ZNF892: variants seen among roughly 807,000 people sequenced by gnomAD.
ZNF892 encodes the protein zinc finger protein 892.
chr2:95,210,875 A>G, the ZNF892 span, among the ~76,000 whole-genome samples: 1 of 152,108 alleles, frequency 6.6e-6, no homozygotes, highest in African/African-American at 2.4e-5. Context: ...GTAACACCTG[A>G]GCTGAGATCT....
At chr2:95,216,738 TG>T in the ZNF892 span, among the ~76,000 whole-genome samples, 1 of 152,204 alleles carries the variant, frequency 6.6e-6, no homozygotes, top group African/African-American at 2.4e-5. Context: ...TAGTTTACCC[TG>T]TTTGGGGTTT....
the ZNF892 span, among the ~76,000 whole-genome samples, chr2:95,236,647 C>G: frequency 6.6e-6 from 1 of 152,174 alleles, no homozygotes; most frequent in African/African-American, 2.4e-5. Flanking sequence ...TTCCATGAAT[C>G]TCTTTGAAGA....
the ZNF892 span, among the ~76,000 whole-genome samples, chr2:95,208,040 G>GTTT: frequency 1.3e-5 from 2 of 152,166 alleles, no homozygotes; most frequent in African/African-American, 4.8e-5. Flanking sequence ...CTTGCTCAAG[G>GTTT]GAAAATATCA....
chr2:95,208,384 T>G, the ZNF892 span, among the ~76,000 whole-genome samples: 2 of 152,374 alleles, frequency 1.3e-5, no homozygotes, highest in African/African-American at 2.4e-5. Flanking sequence ...AGTATTATTT[T>G]GACTACTTAG....
the ZNF892 span, among the ~76,000 whole-genome samples, chr2:95,260,906 C>T: frequency 6.6e-6 from 1 of 152,206 alleles, no homozygotes; most frequent in African/African-American, 2.4e-5. Flanking sequence ...CTGGAGTCCT[C>T]AGTGGCTCAT....
chr2:95,227,884 A>G, the ZNF892 span, among the ~76,000 whole-genome samples: 1 of 152,090 alleles, frequency 6.6e-6, no homozygotes, highest in Non-Finnish European at 1.5e-5. Context: ...GGATTATAGC[A>G]TGTGTCTTCT....
At chr2:95,245,813 C>G in the ZNF892 span, among the ~76,000 whole-genome samples, 1 of 151,986 alleles carries the variant, frequency 6.6e-6, no homozygotes, top group African/African-American at 2.4e-5. Flanking sequence ...AAGACTGAAT[C>G]AGGAAGAAAT....
At chr2:95,212,677 T>C in the ZNF892 span, among the ~76,000 whole-genome samples, 1 of 152,242 alleles carries the variant, frequency 6.6e-6, no homozygotes, top group Non-Finnish European at 1.5e-5. Context: ...CCACCTTCTC[T>C]GTCTAAGCAG....
the ZNF892 span, among the ~76,000 whole-genome samples, chr2:95,226,710 T>G: frequency 6.6e-6 from 1 of 152,168 alleles, no homozygotes; most frequent in Non-Finnish European, 1.5e-5. Context: ...GGTTATTGAC[T>G]CACTAAGGGA....
the ZNF892 span, among the ~76,000 whole-genome samples, chr2:95,261,144 G>T: frequency 6.6e-6 from 1 of 152,170 alleles, no homozygotes; most frequent in African/African-American, 2.4e-5. Flanking sequence ...CAACCCAGAA[G>T]AGGGAGGCCC....
chr2:95,218,253 T>G, the ZNF892 span, among the ~76,000 whole-genome samples: 1 of 152,262 alleles, frequency 6.6e-6, no homozygotes, highest in East Asian at 1.9e-4. Context: ...TTGTGCTTCC[T>G]TGTTTCTTAA....
At chr2:95,217,709 C>T in the ZNF892 span, among the ~76,000 whole-genome samples, 2 of 152,172 alleles carry the variant, frequency 1.3e-5, no homozygotes, top group African/African-American at 4.8e-5. Flanking sequence ...TTCGTTTCGT[C>T]AGATCTTGTG....
chr2:95,234,588 G>A, the ZNF892 span, among the ~76,000 whole-genome samples: 1 of 152,296 alleles, frequency 6.6e-6, no homozygotes, highest in East Asian at 1.9e-4. Context: ...CCTATCCAAT[G>A]AGGGTTCCAT....
At chr2:95,210,323 T>C in the ZNF892 span, among the ~76,000 whole-genome samples, 8 of 151,780 alleles carry the variant, frequency 5.3e-5, no homozygotes, top group Non-Finnish European at 1.0e-4. Context: ...GCGGTAAAAC[T>C]GATTCATTTG....
the ZNF892 span, among the ~76,000 whole-genome samples, chr2:95,258,205 G>A: frequency 1.3e-5 from 2 of 152,156 alleles, no homozygotes; most frequent in African/African-American, 4.8e-5. Flanking sequence ...TGGCCATCTT[G>A]GCTCCACTCG....
the ZNF892 span, among the ~76,000 whole-genome samples, chr2:95,241,602 C>G: frequency 6.6e-6 from 1 of 152,186 alleles, no homozygotes; most frequent in East Asian, 1.9e-4. Flanking sequence ...TCCAAATGAC[C>G]ACAACACCTC....
chr2:95,238,570 C>A, the ZNF892 span, among the ~76,000 whole-genome samples: 1 of 152,320 alleles, frequency 6.6e-6, no homozygotes, highest in South Asian at 2.1e-4. Flanking sequence ...TCAAGCCTTA[C>A]TATTATTTAA....
chr2:95,219,920 T>C, the ZNF892 span, among the ~76,000 whole-genome samples: 2 of 152,186 alleles, frequency 1.3e-5, no homozygotes, highest in Non-Finnish European at 2.9e-5. Flanking sequence ...GAATGCCTTG[T>C]TATTGCTACT....
At chr2:95,221,628 G>A in the ZNF892 span, among the ~76,000 whole-genome samples, 1 of 152,016 alleles carries the variant, frequency 6.6e-6, no homozygotes, top group African/African-American at 2.4e-5. Flanking sequence ...TTTGGTCATC[G>A]AGTTGTTTAA....
Sources: gnomAD v4.1 joint callset for allele counts (sites outside exome capture counted in the v4.1 genomes callset) on GRCh38, gnomAD v4.1.1 for gene constraint, MANE v1.5 for transcripts, NCBI Gene and HGNC (gene_info 2026-07-23, HGNC 2026-07-21) for gene names.